Variants in SOX5 observed in about 807,000 individuals in gnomAD.
The protein encoded by SOX5 is SRY-box transcription factor 5.
A neutral mutation model predicts 92.0 loss-of-function variants in SOX5; 9 were observed. That is an observed-to-expected ratio of 0.10 (90% CI 0.06 to 0.17). The LOEUF (loss-of-function observed/expected upper bound fraction) is 0.17. Among genes scored for constraint, SOX5 ranks in the 10% least tolerant of loss-of-function variants. SOX5 has a pLI of 1.00. For synonymous variants in SOX5, 344 were observed against 336.3 expected, an observed-to-expected ratio of 1.02 and a Z score of -0.25; for missense variants, 642 against 944.5, an observed-to-expected ratio of 0.68 and a Z score of 4.20.
intron 3 of SOX5, among the ~76,000 whole-genome samples, chr12:24,265,498 C>T (rs896915096): frequency 1.3e-5 from 2 of 151,970 alleles, no homozygotes; most frequent in African/African-American, 2.4e-5. Context: ...GAGCTGAGGT[C>T]GTGCCACTGT....
chr12:23,582,255 G>A (rs1950147321), intron 9 of SOX5: 1 of 984,756 alleles, frequency 1.0e-6, no homozygotes, highest in Admixed American at 6.2e-5. Context: ...ACCCAAATAA[G>A]GCATTTCTTC....
At chr12:24,438,021 T>C (rs1405118035) in intron 1 of SOX5, among the ~76,000 whole-genome samples, 1 of 152,184 alleles carries the variant, frequency 6.6e-6, no homozygotes, top group African/African-American at 2.4e-5. Context: ...AGCAAAGACT[T>C]GGAACCAACC....
intron 1 of SOX5, among the ~76,000 whole-genome samples, chr12:24,560,639 G>T (rs1954245111): frequency 6.6e-6 from 1 of 152,198 alleles, no homozygotes; most frequent in Non-Finnish European, 1.5e-5. Flanking sequence ...TTCTCATACA[G>T]CTGAATTCCT....
chr12:23,904,019 C>T (rs985318847), intron 1 of SOX5, among the ~76,000 whole-genome samples: 1 of 152,172 alleles, frequency 6.6e-6, no homozygotes, highest in African/African-American at 2.4e-5. Context: ...TTTCATTACT[C>T]TTATCTATGA....
intron 6 of SOX5, among the ~76,000 whole-genome samples, chr12:23,707,373 C>T (rs2091518857): frequency 1.3e-5 from 2 of 152,136 alleles, no homozygotes; most frequent in African/African-American, 4.8e-5. Flanking sequence ...AAATTCCTAT[C>T]TGTCGAGCCC....
At chr12:24,499,667 G>C (rs1947995019) in intron 1 of SOX5, among the ~76,000 whole-genome samples, 1 of 151,770 alleles carries the variant, frequency 6.6e-6, no homozygotes, top group Non-Finnish European at 1.5e-5. Context: ...GCATTGGAAA[G>C]ATGAAAGGCT....
At position 24,149,240 on chromosome 12, in the gene SOX5, CAA is replaced by C. The variant is rs150200120; in HGVS notation, c.-2+64101_-2+64102del. On this transcript the variant is annotated intron_variant, in intron 4 of 4. Coordinates refer to the SOX5 transcript ENST00000446891. Reference sequence around the variant, plus strand: ...ATAAGTTGATTTCATCAAAAATTGTCAAAAGACATTTTAAAAAGCATAAATAG... The same window carrying C: ...ATAAGTTGATTTCATCAAAAATTGTCAAGACATTTTAAAAAGCATAAATAG... Among the ~76,000 whole-genome samples the C allele has an allele frequency of 5.1e-3, 773 of 152,028 alleles. 9 individuals carry two copies. Among genetic ancestry groups the C allele is most frequent in the African/African-American group, 0.018 (734 of 41,474 alleles).
chr12:23,782,062 C>A (rs1185918197), intron 3 of SOX5, among the ~76,000 whole-genome samples: 2 of 151,840 alleles, frequency 1.3e-5, no homozygotes, highest in Non-Finnish European at 2.9e-5. Context: ...TAGAAGCATG[C>A]AACAAATGTG....
chr12:24,340,590 T>C (rs1164688035), intron 2 of SOX5, among the ~76,000 whole-genome samples: 1 of 152,196 alleles, frequency 6.6e-6, no homozygotes, highest in African/African-American at 2.4e-5. Flanking sequence ...CAACAGAGCG[T>C]TCAGCCCAGT....
At chr12:24,243,228 T>A (rs958285888) in intron 3 of SOX5, among the ~76,000 whole-genome samples, 8 of 152,194 alleles carry the variant, frequency 5.3e-5, no homozygotes, top group African/African-American at 1.9e-4. Flanking sequence ...TTTAGATAAA[T>A]ACATGATATA....
intron 6 of SOX5, among the ~76,000 whole-genome samples, chr12:23,700,434 A>G (rs530824440): frequency 6.6e-6 from 1 of 152,082 alleles, no homozygotes. Flanking sequence ...TTCTCGTAAG[A>G]GCAGAAATAT....
intron 1 of SOX5, among the ~76,000 whole-genome samples, chr12:24,506,782 GTC>G (rs1566337675): frequency 1.2e-5 from 1 of 80,274 alleles, no homozygotes. Context: ...TATCCAAATG[GTC>G]TTTTTTTTTT....
intron 10 of SOX5, among the ~76,000 whole-genome samples, chr12:23,565,936 G>A (rs1387159805): frequency 7.2e-5 from 11 of 152,102 alleles, no homozygotes. Flanking sequence ...CTCTGATTTT[G>A]CAAAGAGCAG....
chr12:23,656,363 CAGAA>C (rs1386750886), intron 7 of SOX5, among the ~76,000 whole-genome samples: 1 of 151,878 alleles, frequency 6.6e-6, no homozygotes, highest in African/African-American at 2.4e-5. Flanking sequence ...GCAAAATGTT[CAGAA>C]AGAAACTAAA....
chr12:24,292,974 G>A (rs1364776162), intron 2 of SOX5, among the ~76,000 whole-genome samples: 2 of 152,148 alleles, frequency 1.3e-5, no homozygotes, highest in Non-Finnish European at 2.9e-5. Context: ...ACATTTCCAT[G>A]ATGGAATGGC....
intron 4 of SOX5, among the ~76,000 whole-genome samples, chr12:24,091,018 C>A (rs1944572342): frequency 6.6e-6 from 1 of 152,144 alleles, no homozygotes; most frequent in Non-Finnish European, 1.5e-5. Context: ...TCTTAACTTC[C>A]TGCCTTATAA....
At chr12:23,567,668 C>A (rs933884184) in intron 10 of SOX5, among the ~76,000 whole-genome samples, 13 of 151,892 alleles carry the variant, frequency 8.6e-5, no homozygotes, top group African/African-American at 3.1e-4. Context: ...GTTGCCCAGG[C>A]TGGTCTAGAA....
chr12:24,194,354 T>A (rs1956802734), intron 4 of SOX5, among the ~76,000 whole-genome samples: 1 of 152,102 alleles, frequency 6.6e-6, no homozygotes. Flanking sequence ...ATAATAAATA[T>A]GGAACCCATA....
At chr12:24,555,124 G>A (rs1953641926) in intron 1 of SOX5, among the ~76,000 whole-genome samples, 1 of 152,236 alleles carries the variant, frequency 6.6e-6, no homozygotes, top group Admixed American at 6.5e-5. Context: ...GGCCACTTGA[G>A]TTCAGTGCTT....
Sources: gnomAD v4.1 joint callset for allele counts (sites outside exome capture counted in the v4.1 genomes callset) on GRCh38, gnomAD v4.1.1 for gene constraint, MANE v1.5 for transcripts, NCBI Gene and HGNC (gene_info 2026-07-23, HGNC 2026-07-21) for gene names.